Variants in RFX3 observed in about 807,000 individuals in gnomAD.
RFX3 encodes the protein regulatory factor X3, also known as transcription factor RFX3.
In RFX3, 14 loss-of-function variants were observed where a neutral mutation model predicts 98.6. The observed-to-expected ratio is 0.14, with a 90% confidence interval of 0.09 to 0.22. RFX3 has a LOEUF of 0.22. RFX3 is among the 10% of genes least tolerant of loss of function. RFX3 has a pLI of 1.00. For synonymous variants in RFX3, 383 were observed against 328.4 expected, an observed-to-expected ratio of 1.17 and a Z score of -1.80; for missense variants, 639 against 926.9, an observed-to-expected ratio of 0.69 and a Z score of 4.03.
chr9:3,257,384 G>T (rs1235458583), intron 13 of RFX3, among the ~76,000 whole-genome samples, 185 bp from the exon 14 acceptor site: 1 of 152,020 alleles, frequency 6.6e-6, no homozygotes, highest in Non-Finnish European at 1.5e-5. Flanking sequence ...AGTTTTAAGG[G>T]ATGAGTATTT....
chr9:3,329,606 C>T (rs985542914), intron 4 of RFX3, among the ~76,000 whole-genome samples: 8 of 151,938 alleles, frequency 5.3e-5, no homozygotes, highest in African/African-American at 1.2e-4. Context: ...GAATGCAACA[C>T]GAATTTACAT....
intron 1 of RFX3, among the ~76,000 whole-genome samples, chr9:3,463,692 T>G (rs1847924296): frequency 6.6e-6 from 1 of 152,088 alleles, no homozygotes; most frequent in African/African-American, 2.4e-5. Context: ...AACTAGGGGC[T>G]GGGCACTGGG....
At chr9:3,227,059 T>A (rs1170790178) in intron 16 of RFX3, among the ~76,000 whole-genome samples, 1 of 151,960 alleles carries the variant, frequency 6.6e-6, no homozygotes, top group Admixed American at 6.6e-5. Flanking sequence ...CATCAAGAGG[T>A]CTGGGGGTAA....
Position 3,267,967 on chromosome 9 carries a change from C to T in RFX3, c.1358-1662G>A, listed in dbSNP as rs145506573. On this transcript the variant is annotated intron_variant, in intron 11 of 16. Transcript: ENST00000617270. ...AATATTACTTTAAAAATATTTATTACGGGCCTTGTTTTATCTAGATAAATT... is the reference window on the plus strand; with the variant it reads ...AATATTACTTTAAAAATATTTATTATGGGCCTTGTTTTATCTAGATAAATT... Among the ~76,000 whole-genome samples the T allele has an allele frequency of 9.9e-4, 150 of 151,812 alleles. No individual in the cohort carries two copies. In the East Asian group the frequency reaches 0.015, roughly 15 times the overall value.
At chr9:3,418,974 C>G (rs1438594024) in intron 1 of RFX3, among the ~76,000 whole-genome samples, 1 of 152,120 alleles carries the variant, frequency 6.6e-6, no homozygotes, top group East Asian at 1.9e-4. Context: ...TTAATGTTGT[C>G]CTGCTGCCTT....
At chr9:3,228,060 C>T (rs538235824) in intron 16 of RFX3, among the ~76,000 whole-genome samples, 1 of 152,320 alleles carries the variant, frequency 6.6e-6, no homozygotes, top group South Asian at 2.1e-4. Flanking sequence ...CCTCAAGAGA[C>T]CTCCCACCCT....
intron 1 of RFX3, among the ~76,000 whole-genome samples, chr9:3,509,301 G>C (rs1030460703): frequency 2.0e-5 from 3 of 151,890 alleles, no homozygotes; most frequent in African/African-American, 7.2e-5. Flanking sequence ...TTCCACAAAA[G>C]AGTGACCTAC....
chr9:3,380,176 C>T (rs1839028907), intron 2 of RFX3, among the ~76,000 whole-genome samples: 2 of 152,242 alleles, frequency 1.3e-5, no homozygotes, highest in Admixed American at 6.5e-5. Context: ...ATCCACCAGC[C>T]TCAGCCTCCC....
Position 3,225,266 on chromosome 9 carries a change from C to A in RFX3, c.2026G>T (p.Val676Leu), listed in dbSNP as rs1484924901. The part of the protein sequence containing the change: ...GNLDKDEGSE[V>L]ESEMDEELDD... The stretch of plus-strand genomic sequence containing the variant: ...AGTTCTTCATCCATTTCACTTTCTA[C>A]TTCACTGCCTTCATCTGCACAAACA... Residue 676 changes from valine (V) to leucine (L), a missense_variant, in exon 17 of 17, where the codon GTA becomes TTA. Physicochemically the swap from Val to Leu is conservative, Grantham distance 32. Around this residue, in one of 9 missense-constraint regions of RFX3, gnomAD observed 129 missense variants for 124.6 expected, o/e 1.04. Coordinates refer to ENST00000617270, the MANE Select transcript of RFX3 (RefSeq NM_001282116.2). The A allele has an allele frequency of 6.2e-7, 1 of 1,613,562 alleles. No individual in the cohort carries two copies. The highest frequency in any genetic ancestry group is 2.2e-5 in the East Asian group (1 of 44,844).
At chr9:3,426,822 T>A (rs1238802922) in intron 1 of RFX3, among the ~76,000 whole-genome samples, 2 of 152,180 alleles carry the variant, frequency 1.3e-5, no homozygotes, top group Non-Finnish European at 2.9e-5. Context: ...GATGAGTAGA[T>A]AATTATTTCA....
At chr9:3,263,755 G>A (rs2131232705) in intron 12 of RFX3, among the ~76,000 whole-genome samples, 1 of 152,270 alleles carries the variant, frequency 6.6e-6, no homozygotes, top group African/African-American at 2.4e-5. Flanking sequence ...TCTGTGCCCA[G>A]GAAGATTGAT....
Position 3,330,259 on chromosome 9 carries a change from T to A in RFX3, c.474A>T (p.Thr158=), listed in dbSNP as rs766841277. ...AACTACTAAAAATTCAAATACTTAC[T>A]GTCGCTGGGGAGGCCCGAGTTGTGT... The part of the protein sequence containing the change: ...VTHTTRASPA[T]IEMAIETLQK... The change falls in exon 4 of 17, where the codon ACA becomes ACT. Residue 158 remains threonine, a splice_region_variant and synonymous_variant. Coordinates refer to ENST00000617270, the MANE Select transcript of RFX3 (RefSeq NM_001282116.2). The A allele has an allele frequency of 1.2e-6, 2 of 1,613,978 alleles. No individual in the cohort carries two copies. The highest frequency in any genetic ancestry group is 2.2e-5 in the South Asian group (2 of 91,078).
At chr9:3,312,420 T>C (rs764826779) in intron 4 of RFX3, among the ~76,000 whole-genome samples, 2 of 152,276 alleles carry the variant, frequency 1.3e-5, no homozygotes, top group Middle Eastern at 3.4e-3. Context: ...CCAGCAGATA[T>C]ATACAGAAAC....
At chr9:3,235,224 C>T (rs986434815) in intron 15 of RFX3, among the ~76,000 whole-genome samples, 26 of 152,094 alleles carry the variant, frequency 1.7e-4, no homozygotes, top group African/African-American at 4.8e-4. Context: ...CAGGTGAAGA[C>T]GTAAAGAGAG....
At chr9:3,348,773 C>A (rs1485970266) in intron 2 of RFX3, among the ~76,000 whole-genome samples, 4 of 151,996 alleles carry the variant, frequency 2.6e-5, no homozygotes, top group Admixed American at 2.6e-4. Flanking sequence ...TCCTAGCAAT[C>A]TTTTTTTCTT....
At chr9:3,427,735 T>C (rs1587642301) in intron 1 of RFX3, among the ~76,000 whole-genome samples, 1 of 152,176 alleles carries the variant, frequency 6.6e-6, no homozygotes, top group Middle Eastern at 3.4e-3. Flanking sequence ...ACCTGTACCA[T>C]ATCTTTTCAT....
At chr9:3,464,940 G>A (rs1322748556) in intron 1 of RFX3, among the ~76,000 whole-genome samples, 3 of 151,966 alleles carry the variant, frequency 2.0e-5, no homozygotes, top group Non-Finnish European at 4.4e-5. Context: ...AGTTATCGGT[G>A]GAAAGGTAAG....
chr9:3,254,533 T>C (rs1312449000), intron 14 of RFX3, among the ~76,000 whole-genome samples: 1 of 151,876 alleles, frequency 6.6e-6, no homozygotes, highest in Non-Finnish European at 1.5e-5. Flanking sequence ...TGGGAAAATA[T>C]CTGAAATCTT....
chr9:3,244,197 G>C (rs1221926513), intron 15 of RFX3, among the ~76,000 whole-genome samples: 1 of 151,728 alleles, frequency 6.6e-6, no homozygotes, highest in Admixed American at 6.6e-5. Context: ...GTAGAGACAG[G>C]GTTTCACCAT....
Sources: gnomAD v4.1 joint callset for allele counts (sites outside exome capture counted in the v4.1 genomes callset) on GRCh38, gnomAD v4.1.1 for gene constraint, gnomAD v4.1.1 regional missense constraint, MANE v1.5 for transcripts, NCBI Gene and HGNC (gene_info 2026-07-23, HGNC 2026-07-21) for gene names.